TGOLN2: variants seen among roughly 807,000 people sequenced by gnomAD.
The protein encoded by TGOLN2 is trans-golgi network protein 2, also known as trans-Golgi network integral membrane protein 2.
A neutral mutation model predicts 31.3 loss-of-function variants in TGOLN2; 19 were observed. The observed-to-expected ratio is 0.61, with a 90% CI of 0.42 to 0.89. The LOEUF is 0.89. Among genes scored for constraint, TGOLN2 ranks in the 40% least tolerant of loss-of-function variants. The pLI, the probability that TGOLN2 is intolerant of heterozygous loss-of-function variation, is 0.00. For missense variants in TGOLN2, 540 were observed against 559.2 expected (o/e 0.97, Z 0.35); for synonymous variants, 222 against 226.7 (o/e 0.98, Z 0.19).
chr2:85,322,571 G>A lies in TGOLN2; in HGVS notation c.*165C>T. On this transcript the variant is annotated 3_prime_UTR_variant, in exon 4 of 4. Transcript: ENST00000377386. ...CCAGACCCGCCACTAAATTCTAGAG[G>A]AGGGTGTCTCTCAGGTCACAGTACT... The A allele has an allele frequency of 6.9e-7, 1 of 1,449,044 alleles. No homozygotes were observed. Among genetic ancestry groups the A allele is most frequent in the East Asian group, 2.6e-5 (1 of 39,126 alleles). 89.8% of individuals were successfully genotyped at this position (1,449,044 alleles called of 1,614,324 possible). A position where few individuals can be genotyped will look rare whatever the true frequency, so the allele number is the denominator to read the frequency against.
At position 85,327,359 on chromosome 2, in the gene TGOLN2, T is replaced by C; in HGVS notation, c.373A>G (p.Lys125Glu). ...EAQTTKDSTS[K>E]SHPELQTPKD... ...GGAGTCTGCAGCTCCGGATGCGACT[T>C]ACTAGTGCTGTCTTTTGTGGTCTGC... The change falls in exon 2 of 4, where the codon AAG (lysine) becomes GAG (glutamate). Residue 125 changes from lysine to glutamate, a missense_variant. Coordinates refer to ENST00000377386, the MANE Select transcript of TGOLN2 (RefSeq NM_006464.4). 6.2e-7 allele frequency: 1 copy of C among 1,612,180 alleles called. No homozygotes were observed. The highest frequency in any genetic ancestry group is 8.5e-7 in the Non-Finnish European group (1 of 1,178,978).
intron 1 of TGOLN2, 24 bp from the exon 2 acceptor site, chr2:85,327,709 A>C (rs927583101): frequency 1.4e-6 from 2 of 1,446,238 alleles, no homozygotes; most frequent in Non-Finnish European, 1.9e-6. Flanking sequence ...ACGAGTTAGC[A>C]CCGGAGAAGG....
In TGOLN2 at chr2:85,327,188, A is replaced by T; in HGVS notation, c.544T>A (p.Ser182Thr). Residue 182 changes from serine to threonine, a missense_variant, in exon 2 of 4, where the codon TCG (serine) becomes ACG (threonine). Transcript: ENST00000377386. ...TTTGGGGTCTGGCCGTCCGCACCCG[A>T]CTTATTAGGGACATCTTTTGTGGTC... is the stretch of plus-strand genomic sequence containing the variant. The part of the protein sequence containing the change: ...AQTTKDVPNK[S>T]GADGQTPKDG... 1 of 1,612,126 alleles carries T rather than the reference A, an allele frequency of 6.2e-7. No homozygotes were observed. The highest frequency in any genetic ancestry group is 1.3e-5 in the African/African-American group (1 of 74,146).
chr2:85,326,594 C>T lies in TGOLN2; in HGVS notation c.1138G>A (p.Ala380Thr), dbSNP rs1307395635. ...LYPNGSGNGS[A>T]ESSHFFAYLV... ...TATGCAAAGAAGTGGCTGCTCTCCG[C>T]GCTGCCATTTCCAGAACCGTTCGGA... The change falls in exon 2 of 4, where the codon GCG (alanine) becomes ACG (threonine). Residue 380 changes from alanine to threonine, a missense_variant. By Grantham distance (58) the Ala-to-Thr change is moderately conservative (BLOSUM62 0). Coordinates refer to ENST00000377386, the MANE Select transcript of TGOLN2 (RefSeq NM_006464.4). The T allele has an allele frequency of 6.2e-7, 1 of 1,613,892 alleles. No homozygotes were observed. The highest frequency in any genetic ancestry group is 2.2e-5 in the East Asian group (1 of 44,896).
At position 85,327,091 on chromosome 2, in the gene TGOLN2, T is replaced by C. The variant is rs375256300; in HGVS notation, c.641A>G (p.Lys214Arg). Residue 214 changes from lysine (K) to arginine (R), a missense_variant, in exon 2 of 4, where the codon AAG becomes AGG. By Grantham distance (26) the Lys-to-Arg change is conservative (BLOSUM62 2). Transcript: ENST00000377386. ...GTTAGAGCCGTCTTTTGGAGTCTGC[T>C]TCTCCGCACCCGACTTGTTAGGGAC... is the stretch of plus-strand genomic sequence containing the variant. ...KDVPNKSGAE[K>R]QTPKDGSNKS... 6 of 1,612,760 alleles carry C rather than the reference T, an allele frequency of 3.7e-6. No individual in the cohort carries two copies. The highest frequency in any genetic ancestry group is 5.1e-6 in the Non-Finnish European group (6 of 1,179,568).
intron 2 of TGOLN2, 127 bp downstream of exon 2, chr2:85,326,380 GA>G: frequency 2.3e-6 from 2 of 870,386 alleles, no homozygotes; most frequent in Non-Finnish European, 3.5e-6. Flanking sequence ...AGGGCCTGAG[GA>G]AAAAACTGAA....
rs568652032 is a variant in TGOLN2 at position 85,327,635 on chromosome 2, C to G, written c.97G>C (p.Val33Leu). The G allele has an allele frequency of 3.2e-5, 51 of 1,613,682 alleles. No homozygotes were observed. Among genetic ancestry groups the G allele is most frequent in the Non-Finnish European group, 4.2e-5 (49 of 1,179,720 alleles). The change falls in exon 2 of 4, where the codon GTA becomes CTA. Residue 33 changes from valine to leucine, a missense_variant. By Grantham distance (32) the Val-to-Leu change is conservative. Coordinates refer to ENST00000377386, the MANE Select transcript of TGOLN2 (RefSeq NM_006464.4). ...GAGACGTTTCCTGCAGAAGGCCGTA[C>G]TCCAGCTTCTTCTTGCTTGACGCTT... Reference protein sequence around the residue: ...TESVKQEEAGVRPSAGNVSTH... With the variant: ...TESVKQEEAGLRPSAGNVSTH...
chr2:85,323,603 C>T (rs1000521781), intron 3 of TGOLN2, among the ~76,000 whole-genome samples: 1 of 152,092 alleles, frequency 6.6e-6, no homozygotes, highest in Admixed American at 6.5e-5. Context: ...GGGGGAAAAC[C>T]CTTAAAGTCA....
intron 1 of TGOLN2, 97 bp from the exon 2 acceptor site, chr2:85,327,782 T>C (rs1197463187): frequency 1.9e-6 from 2 of 1,060,326 alleles, no homozygotes; most frequent in Admixed American, 5.2e-5. Context: ...GGAATGGGGA[T>C]TGGGGGGTGG....
chr2:85,320,802 G>A lies in TGOLN2; in HGVS notation c.*1934C>T, dbSNP rs1052082470. ...CATTTGTCAGAGACACCAAGAAAGGGGAATTTCCATTTGGATGGTCAATAG... is the reference window on the plus strand; with the variant it reads ...CATTTGTCAGAGACACCAAGAAAGGAGAATTTCCATTTGGATGGTCAATAG... On this transcript the variant is annotated 3_prime_UTR_variant, in exon 4 of 4. Transcript: ENST00000377386. The A allele has an allele frequency of 6.6e-6, 1 of 152,162 alleles. No homozygotes were observed. The highest frequency in any genetic ancestry group is 6.5e-5 in the Admixed American group (1 of 15,274). The allele number at this position is 152,162 out of a possible 1,614,324, so 9.4% of individuals were successfully genotyped here.
chr2:85,326,735 G>C lies in TGOLN2; in HGVS notation c.997C>G (p.Pro333Ala). The change falls in exon 2 of 4, where the codon CCC becomes GCC. Residue 333 changes from proline (P) to alanine (A), a missense_variant. Physicochemically the swap from Pro to Ala is conservative, Grantham distance 27. Coordinates refer to ENST00000377386, the MANE Select transcript of TGOLN2 (RefSeq NM_006464.4). ...TCTTTGGGCGGTGAGCCCTCCTCGG[G>C]TCCTGTATCATCATCTTCAGCCTCT... Reference protein sequence around the residue: ...PKEAEDDDTGPEEGSPPKEEK... With the variant: ...PKEAEDDDTGAEEGSPPKEEK... 1 of 1,614,038 alleles carries C rather than the reference G, an allele frequency of 6.2e-7. No individual in the cohort carries two copies. Among genetic ancestry groups the C allele is most frequent in the East Asian group, 2.2e-5 (1 of 44,882 alleles).
chr2:85,324,661 C>T lies in TGOLN2; in HGVS notation c.1308+254G>A, dbSNP rs76527418. The T allele has an allele frequency of 3.5e-3, 1,857 of 524,802 alleles. 22 individuals are homozygous for T. The highest frequency in any genetic ancestry group is 0.018 in the East Asian group (586 of 32,970). The allele number at this position is 524,802 out of a possible 1,614,324, so 32.5% of individuals were successfully genotyped here. A position where few individuals can be genotyped will look rare whatever the true frequency, so the allele number is the denominator to read the frequency against. The stretch of plus-strand genomic sequence containing the variant: ...AAAAAAAAGAGTGTTTCTGCGTGGG[C>T]CTATTTCCTCATCTGTGAAGGGAGG... On this transcript the variant is annotated intron_variant, in intron 3 of 3. Coordinates refer to ENST00000377386, the MANE Select transcript of TGOLN2 (RefSeq NM_006464.4).
Position 85,326,667 on chromosome 2 carries a change from A to C in TGOLN2, c.1065T>G (p.Arg355=). Reference sequence around the variant, plus strand: ...CCGTGGAATCCGAAAGTGTCCCTTCACGGTTCTCACTGGAGGCAGAACCGG... The same window carrying C: ...CCGTGGAATCCGAAAGTGTCCCTTCCCGGTTCTCACTGGAGGCAGAACCGG... ...KMSGSASSEN[R]EGTLSDSTGS... The change falls in exon 2 of 4, where the codon CGT becomes CGG. Residue 355 remains arginine, a synonymous_variant. Coordinates refer to ENST00000377386, the MANE Select transcript of TGOLN2 (RefSeq NM_006464.4). The C allele has an allele frequency of 2.5e-6, 4 of 1,613,936 alleles. No individual in the cohort carries two copies. The highest frequency in any genetic ancestry group is 3.4e-6 in the Non-Finnish European group (4 of 1,179,860).
In TGOLN2 at chr2:85,327,348, C is replaced by T. The variant is rs1472305832; in HGVS notation, c.384G>A (p.Pro128=). ...TGCTGTCTTTTGGAGTCTGCAGCTCCGGATGCGACTTACTAGTGCTGTCTT... is the reference window on the plus strand; with the variant it reads ...TGCTGTCTTTTGGAGTCTGCAGCTCTGGATGCGACTTACTAGTGCTGTCTT... ...TTKDSTSKSH[P]ELQTPKDSTG... The change falls in exon 2 of 4, where the codon CCG becomes CCA. Residue 128 remains proline (P), a synonymous_variant. Transcript: ENST00000377386. 1.2e-6 allele frequency: 2 copies of T among 1,611,734 alleles called. No individual in the cohort carries two copies.
At chr2:85,324,654 G>A in intron 3 of TGOLN2, 1 of 494,640 alleles carries the variant, frequency 2.0e-6, no homozygotes, top group Middle Eastern at 5.2e-4. Flanking sequence ...GAGTGTTTCT[G>A]CGTGGGCCTA....
chr2:85,326,373 G>T (rs989870484), intron 2 of TGOLN2, 135 bp downstream of exon 2: 1 of 776,132 alleles, frequency 1.3e-6, no homozygotes, highest in Non-Finnish European at 2.0e-6. Flanking sequence ...GCCTAATAGG[G>T]CCTGAGGAAA....
rs1682686811 is a variant in TGOLN2, at chr2:85,325,121, T to C, written c.1225-123A>G. ...ATGACCCTGACTGTAGAAAGAGCAG[T>C]ACACTCACAGAGGTCTATTTAAACT... On this transcript the variant is annotated intron_variant, in intron 2 of 3. Transcript: ENST00000377386. The C allele has an allele frequency of 4.8e-6, 4 of 833,850 alleles. No homozygotes were observed. In the East Asian group the frequency reaches 1.1e-4, roughly 22 times the overall value. 51.7% of individuals were successfully genotyped at this position (833,850 alleles called of 1,614,324 possible).
chr2:85,323,237 C>T lies in TGOLN2; in HGVS notation c.1309-496G>A, dbSNP rs940383936. On this transcript the variant is annotated intron_variant, in intron 3 of 3. Coordinates refer to ENST00000377386, the MANE Select transcript of TGOLN2 (RefSeq NM_006464.4). The stretch of plus-strand genomic sequence containing the variant: ...CCTCCCAAACTGTTGGGATTACAGG[C>T]GTGAACCACTATGCCCAGCCACATG... 3.3e-5 allele frequency among the ~76,000 whole-genome samples: 5 copies of T among 152,258 alleles called. No homozygotes were observed. In the East Asian group the frequency reaches 7.7e-4, roughly 24 times the overall value.
rs1469067411 is a variant in TGOLN2, at chr2:85,321,164, CCA to C, written c.*1570_*1571del. 1.3e-5 allele frequency: 2 copies of C among 152,418 alleles called. No individual in the cohort carries two copies. Among genetic ancestry groups the C allele is most frequent in the Admixed American group, 6.5e-5 (1 of 15,272 alleles). 9.4% of individuals were successfully genotyped at this position (152,418 alleles called of 1,614,324 possible). ...AGGCAGGGAGAGAGACGTGAAATAG[CCA>C]CAGTCTTAGGGGATGCTAGAGAAGC... is the stretch of plus-strand genomic sequence containing the variant. On this transcript the variant is annotated 3_prime_UTR_variant, in exon 4 of 4. Coordinates refer to ENST00000377386, the MANE Select transcript of TGOLN2 (RefSeq NM_006464.4).
Sources: allele counts gnomAD v4.1 joint callset (sites outside exome capture counted in the v4.1 genomes callset), GRCh38; gene constraint gnomAD v4.1.1; transcripts MANE v1.5; gene names NCBI Gene and HGNC (gene_info 2026-07-23, HGNC 2026-07-21).